The following VTI1A variants were observed in gnomAD, a reference collection of about 807,000 sequenced individuals.
VTI1A encodes the protein vesicle transport through interaction with t-SNAREs homolog 1A.
In VTI1A, 22 loss-of-function variants were observed where a neutral mutation model predicts 34.9. The ratio of observed to expected loss-of-function variants is 0.63; its 90% CI spans 0.45 to 0.90. VTI1A has a LOEUF of 0.90. Ranked by LOEUF, VTI1A falls within the 40% of genes least tolerant of loss-of-function variation. VTI1A has a pLI of 0.00. For missense variants in VTI1A, 268 were observed against 275.6 expected (o/e 0.97, Z 0.20); for synonymous variants, 87 against 97.3 (o/e 0.89, Z 0.62).
At chr10:112,682,125 G>C (rs1381078068) in intron 7 of VTI1A, among the ~76,000 whole-genome samples, 1 of 152,108 alleles carries the variant, frequency 6.6e-6, no homozygotes, top group East Asian at 1.9e-4. Flanking sequence ...AAGAAAAAAA[G>C]AACATTTTAT....
At chr10:112,713,634 A>G (rs1849506361) in intron 7 of VTI1A, among the ~76,000 whole-genome samples, 2 of 152,192 alleles carry the variant, frequency 1.3e-5, no homozygotes, top group South Asian at 4.1e-4. Flanking sequence ...CTGGGTTCTC[A>G]TCATGCAGTC....
At chr10:112,689,055 G>A (rs1590072233) in intron 7 of VTI1A, among the ~76,000 whole-genome samples, 1 of 152,144 alleles carries the variant, frequency 6.6e-6, no homozygotes, top group East Asian at 1.9e-4. Context: ...ACTGGGTACT[G>A]AGAATTATTT....
chr10:112,751,875 G>A (rs1851119988), intron 7 of VTI1A, among the ~76,000 whole-genome samples: 1 of 152,180 alleles, frequency 6.6e-6, no homozygotes, highest in Admixed American at 6.5e-5. Context: ...CTGGCAGGTG[G>A]GAGCCTTTGC....
intron 5 of VTI1A, among the ~76,000 whole-genome samples, chr10:112,641,908 G>C (rs1408133998): frequency 6.6e-6 from 1 of 152,142 alleles, no homozygotes; most frequent in South Asian, 2.1e-4. Flanking sequence ...GGAACTGTTG[G>C]GCTTTGTGAG....
At chr10:112,564,444 T>TA (rs11352489) in intron 5 of VTI1A, among the ~76,000 whole-genome samples, 16,120 of 143,618 alleles carry the variant, frequency 0.11, 1,223 homozygotes, top group East Asian at 0.27. Context: ...AGTACTTCTT[T>TA]AAAAAAAAAA....
Position 112,684,084 on chromosome 10 carries a change from C to T in VTI1A, c.560+15086C>T, listed in dbSNP as rs1018721072. On this transcript the variant is annotated intron_variant, in intron 7 of 7. Coordinates refer to ENST00000393077, the MANE Select transcript of VTI1A (RefSeq NM_145206.4). ...CCTCTTATTTTGTAAGGGTAAAAAA[C>T]GTTATCAAGAAACAGGGAGAAAATT... is the stretch of plus-strand genomic sequence containing the variant. Among the ~76,000 whole-genome samples, 4 of 150,830 alleles carry T rather than the reference C, an allele frequency of 2.7e-5. No homozygotes were observed. The East Asian group carries it at 5.8e-4, about 22-fold the overall frequency.
chr10:112,845,739 C>G, the VTI1A span, among the ~76,000 whole-genome samples: 4 of 152,260 alleles, frequency 2.6e-5, no homozygotes, highest in East Asian at 7.7e-4. Context: ...AGTGGGGGGC[C>G]GGACATGGTG....
intron 5 of VTI1A, among the ~76,000 whole-genome samples, chr10:112,584,706 T>C (rs1844080714): frequency 6.6e-6 from 1 of 152,232 alleles, no homozygotes; most frequent in African/African-American, 2.4e-5. Flanking sequence ...GATAAGCATT[T>C]CCTCCTTTAA....
chr10:112,508,775 T>C (rs1457619840), intron 3 of VTI1A, among the ~76,000 whole-genome samples: 1 of 152,238 alleles, frequency 6.6e-6, no homozygotes, highest in East Asian at 1.9e-4. Flanking sequence ...ACTGTCTGAA[T>C]TCTTCAGAGT....
rs1236510821 is a variant in VTI1A, at chr10:112,816,674, A to G, written c.*1291A>G. Reference sequence around the variant, plus strand: ...AGCAGAATGTTTTTCTCAAGACTTCATAGGCACTTACTGGTCCGTACTATC... The same window carrying G: ...AGCAGAATGTTTTTCTCAAGACTTCGTAGGCACTTACTGGTCCGTACTATC... On this transcript the variant is annotated 3_prime_UTR_variant, in exon 8 of 8. Coordinates refer to ENST00000393077, the MANE Select transcript of VTI1A (RefSeq NM_145206.4). 3 of 227,012 alleles carry G rather than the reference A, an allele frequency of 1.3e-5. No individual in the cohort carries two copies. Among genetic ancestry groups the G allele is most frequent in the South Asian group, 1.8e-4 (1 of 5,456 alleles). 14.1% of individuals were successfully genotyped at this position (227,012 alleles called of 1,614,324 possible). A position where few individuals can be genotyped will look rare whatever the true frequency, so the allele number is the denominator to read the frequency against.
At chr10:112,516,552 A>G (rs1232923733) in intron 3 of VTI1A, among the ~76,000 whole-genome samples, 1 of 152,088 alleles carries the variant, frequency 6.6e-6, no homozygotes, top group African/African-American at 2.4e-5. Flanking sequence ...CTTTGGACCT[A>G]TTGGCTTACC....
intron 3 of VTI1A, among the ~76,000 whole-genome samples, chr10:112,493,598 T>A (rs543345087): frequency 3.1e-4 from 47 of 152,336 alleles, no homozygotes; most frequent in Admixed American, 5.2e-4. Flanking sequence ...TGATGTTAGC[T>A]ACAGGTATTT....
intron 4 of VTI1A, among the ~76,000 whole-genome samples, chr10:112,529,407 C>T (rs1412957760): frequency 6.6e-6 from 1 of 152,102 alleles, no homozygotes; most frequent in Admixed American, 6.5e-5. Flanking sequence ...TTGAGAATAA[C>T]TTTTTTATTC....
chr10:112,634,956 C>T (rs1846290241), intron 5 of VTI1A, among the ~76,000 whole-genome samples: 1 of 152,150 alleles, frequency 6.6e-6, no homozygotes, highest in Non-Finnish European at 1.5e-5. Context: ...GAGTGGCCAA[C>T]ATTTTTTCTG....
chr10:112,804,341 C>G (rs1413897040), intron 7 of VTI1A, among the ~76,000 whole-genome samples: 1 of 152,230 alleles, frequency 6.6e-6, no homozygotes, highest in South Asian at 2.1e-4. Context: ...ACCTTCCCAT[C>G]CAGCCACTGG....
the VTI1A span, among the ~76,000 whole-genome samples, chr10:112,830,849 A>ATATATATATATATATATATATATT: frequency 1.1e-3 from 38 of 33,482 alleles, no homozygotes; most frequent in South Asian, 6.4e-3. Context: ...ATATATATAT[A>ATATATATATATATATATATATATT]TTTTTTTTTT....
intron 7 of VTI1A, among the ~76,000 whole-genome samples, chr10:112,768,114 A>C (rs1267511498): frequency 6.6e-6 from 1 of 152,188 alleles, no homozygotes; most frequent in East Asian, 1.9e-4. Flanking sequence ...TTTGACCTTC[A>C]GTGGTTTGCA....
chr10:112,762,847 G>A (rs1243921768), intron 7 of VTI1A, among the ~76,000 whole-genome samples: 2 of 152,116 alleles, frequency 1.3e-5, no homozygotes, highest in African/African-American at 2.4e-5. Flanking sequence ...TTAGATTTCA[G>A]GGCCATGTTT....
chr10:112,805,610 T>C (rs1006293366), intron 7 of VTI1A, among the ~76,000 whole-genome samples: 8 of 152,190 alleles, frequency 5.3e-5, no homozygotes, highest in Admixed American at 4.6e-4. Context: ...TAAGATGAGG[T>C]ACGGGAATAG....
Sources: allele counts gnomAD v4.1 joint callset (sites outside exome capture counted in the v4.1 genomes callset), GRCh38; gene constraint gnomAD v4.1.1; transcripts MANE v1.5; gene names NCBI Gene and HGNC (gene_info 2026-07-23, HGNC 2026-07-21).